The following ALG5 variants were observed in gnomAD, a reference collection of about 807,000 sequenced individuals.
ALG5 encodes the protein ALG5 dolichyl-phosphate beta-glucosyltransferase, also known as dolichyl-phosphate beta-glucosyltransferase.
Under a neutral mutation model 51.8 loss-of-function variants are expected in ALG5, and 26 were observed. The ratio of observed to expected loss-of-function variants is 0.50; its 90% CI spans 0.37 to 0.70. The LOEUF (loss-of-function observed/expected upper bound fraction) is 0.70. ALG5 is among the 30% of genes least tolerant of loss of function. The probability of loss-of-function intolerance (pLI) is 0.00; values close to 1 mark genes in which losing one functional copy is unlikely to be tolerated. For missense variants in ALG5, 311 were observed against 399.3 expected, an observed-to-expected ratio of 0.78 and a Z score of 1.88; for synonymous variants, 141 against 136.1, an observed-to-expected ratio of 1.04 and a Z score of -0.25.
intron 5 of ALG5, among the ~76,000 whole-genome samples, chr13:36,987,132 A>C (rs2059005311): frequency 6.6e-6 from 1 of 152,012 alleles, no homozygotes; most frequent in African/African-American, 2.4e-5. Context: ...CTATCATCTG[A>C]CATATGTGGA....
intron 7 of ALG5, among the ~76,000 whole-genome samples, chr13:36,970,059 C>CAT (rs1050541362): frequency 6.7e-6 from 1 of 148,820 alleles, no homozygotes; most frequent in Non-Finnish European, 1.5e-5. Context: ...TATAATTATA[C>CAT]ATATATATAC....
At chr13:36,952,359 T>C (rs551001145) in intron 9 of ALG5, among the ~76,000 whole-genome samples, 155 bp downstream of exon 9, 1 of 152,296 alleles carries the variant, frequency 6.6e-6, no homozygotes, top group East Asian at 1.9e-4. Flanking sequence ...TGGAAGGTAT[T>C]AGTAGGTACT....
rs138077191 is a variant in ALG5 at position 36,967,930 on chromosome 13, C to A, written c.622-2204G>T. 75 of 583,608 alleles carry A rather than the reference C, an allele frequency of 1.3e-4. No homozygotes were observed. The African/African-American group carries it at 1.3e-3, about 10-fold the overall frequency. The allele number at this position is 583,608 out of a possible 1,614,324, so 36.2% of individuals were successfully genotyped here. On this transcript the variant is annotated intron_variant, in intron 7 of 9. Coordinates refer to ENST00000239891, the MANE Select transcript of ALG5 (RefSeq NM_013338.5). ...TGTGATTTGAGTGAGCTTATTTGTT[C>A]GCAAATAAAACTATTCATGACTGCT... is the stretch of plus-strand genomic sequence containing the variant.
At chr13:36,977,564 G>A (rs2058957756) in intron 6 of ALG5, among the ~76,000 whole-genome samples, 1 of 151,988 alleles carries the variant, frequency 6.6e-6, no homozygotes, top group Non-Finnish European at 1.5e-5. Context: ...GGCTGAGGCA[G>A]GGGAATCGCT....
intron 4 of ALG5, 145 bp downstream of exon 4, chr13:36,993,459 T>C (rs1021951345): frequency 1.5e-6 from 1 of 660,110 alleles, no homozygotes; most frequent in Admixed American, 2.8e-5. Context: ...AAATGAAATC[T>C]GTTTTTTCTG....
rs2059041735 is a variant in ALG5, at chr13:36,994,852, C to T, written c.285+137G>A. 8.5e-6 allele frequency: 6 copies of T among 707,244 alleles called. 1 individual carries two copies. Among genetic ancestry groups the T allele is most frequent in the Middle Eastern group, 3.9e-4 (1 of 2,558 alleles). The allele number at this position is 707,244 out of a possible 1,614,324, so 43.8% of individuals were successfully genotyped here. A position where few individuals can be genotyped will look rare whatever the true frequency, so the allele number is the denominator to read the frequency against. Reference sequence around the variant, plus strand: ...TACGTGCCGGGCTTATGGATAGCAACAAGCAAGCAGCAGGTGGCCCAGCGA... The same window carrying T: ...TACGTGCCGGGCTTATGGATAGCAATAAGCAAGCAGCAGGTGGCCCAGCGA... On this transcript the variant is annotated intron_variant, in intron 3 of 9. Coordinates refer to ENST00000239891, the MANE Select transcript of ALG5 (RefSeq NM_013338.5).
At chr13:36,971,457 G>A (rs2138799530) in intron 7 of ALG5, among the ~76,000 whole-genome samples, 1 of 151,994 alleles carries the variant, frequency 6.6e-6, no homozygotes, top group African/African-American at 2.4e-5. Context: ...GACCAGGCTG[G>A]GCAACACAGT....
chr13:36,980,365 G>C (rs1034884104), intron 6 of ALG5, among the ~76,000 whole-genome samples: 7 of 151,976 alleles, frequency 4.6e-5, no homozygotes, highest in Non-Finnish European at 8.8e-5. Flanking sequence ...TTCCCGAGTA[G>C]CTGGGCTTAC....
chr13:36,973,021 T>G (rs1270427018), intron 6 of ALG5, among the ~76,000 whole-genome samples: 6 of 144,270 alleles, frequency 4.2e-5, no homozygotes, highest in Admixed American at 2.8e-4. Flanking sequence ...CAATGCTTCC[T>G]AACTTAAAAC....
At chr13:36,988,739 C>T (rs142528759) in intron 5 of ALG5, among the ~76,000 whole-genome samples, 1 of 152,208 alleles carries the variant, frequency 6.6e-6, no homozygotes, top group Non-Finnish European at 1.5e-5. Flanking sequence ...TGAATGTGGA[C>T]GTGATGGCTA....
intron 8 of ALG5, among the ~76,000 whole-genome samples, chr13:36,958,077 C>A (rs771667830): frequency 6.6e-6 from 1 of 152,120 alleles, no homozygotes; most frequent in Non-Finnish European, 1.5e-5. Context: ...AGGATCTGTG[C>A]CTGCTCTTTA....
intron 7 of ALG5, among the ~76,000 whole-genome samples, 153 bp downstream of exon 7, chr13:36,971,824 A>G (rs538398929): frequency 2.6e-4 from 39 of 152,228 alleles, no homozygotes; most frequent in Admixed American, 2.6e-3. Context: ...AATCCTTCAT[A>G]ACCTTTCCAC....
At chr13:36,999,053 A>T in intron 1 of ALG5, 182 bp downstream of exon 1, 1 of 456,560 alleles carries the variant, frequency 2.2e-6, no homozygotes, top group African/African-American at 2.0e-5. Flanking sequence ...AGGGAAAATT[A>T]AAGAACCGAA....
intron 1 of ALG5, 24 bp downstream of exon 1, chr13:36,999,210 CG>C (rs1263436453): frequency 1.9e-6 from 3 of 1,551,868 alleles, no homozygotes; most frequent in Non-Finnish European, 1.7e-6. Context: ...CCCCGGCCTG[CG>C]CGGGTTCCCA....
At chr13:36,996,820 G>A (rs1313275450) in intron 1 of ALG5, among the ~76,000 whole-genome samples, 3 of 152,070 alleles carry the variant, frequency 2.0e-5, no homozygotes, top group Admixed American at 6.5e-5. Context: ...TTTGCAACCC[G>A]CAATGAAATA....
chr13:36,996,749 G>A (rs998685177), intron 1 of ALG5, among the ~76,000 whole-genome samples: 2 of 152,206 alleles, frequency 1.3e-5, no homozygotes, highest in African/African-American at 4.8e-5. Context: ...AGCTGAGGAT[G>A]AGATTTCTTT....
At chr13:36,994,731 C>A (rs2059041040) in intron 3 of ALG5, among the ~76,000 whole-genome samples, 1 of 151,844 alleles carries the variant, frequency 6.6e-6, no homozygotes, top group African/African-American at 2.4e-5. Flanking sequence ...TATCATCAAG[C>A]AAGACAGGAT....
intron 8 of ALG5, among the ~76,000 whole-genome samples, chr13:36,955,053 A>C (rs1331062548): frequency 1.3e-5 from 2 of 152,252 alleles, no homozygotes; most frequent in Non-Finnish European, 1.5e-5. Context: ...AGGTGAAGAC[A>C]CAGGTGGGGC....
intron 8 of ALG5, among the ~76,000 whole-genome samples, chr13:36,957,787 C>G (rs2058847147): frequency 6.6e-6 from 1 of 152,126 alleles, no homozygotes; most frequent in Non-Finnish European, 1.5e-5. Context: ...AGCCAAATAT[C>G]AACAAGTTCT....
Sources: gnomAD v4.1 joint callset for allele counts (sites outside exome capture counted in the v4.1 genomes callset) on GRCh38, gnomAD v4.1.1 for gene constraint, MANE v1.5 for transcripts, NCBI Gene and HGNC (gene_info 2026-07-23, HGNC 2026-07-21) for gene names.